FAM120A: variants seen among roughly 807,000 people sequenced by gnomAD.
The protein encoded by FAM120A is family with sequence similarity 120 member A, also known as constitutive coactivator of PPAR-gamma-like protein 1.
A neutral mutation model predicts 109.7 loss-of-function variants in FAM120A; 15 were observed. The observed-to-expected ratio is 0.14, with a 90% CI of 0.09 to 0.21. FAM120A has a LOEUF of 0.21. Ranked by LOEUF, FAM120A falls within the 10% of genes least tolerant of loss-of-function variation. The pLI is 1.00. For synonymous variants in FAM120A, 493 were observed against 572.8 expected (o/e 0.86, Z 1.99); for missense variants, 899 against 1,439.3 (o/e 0.62, Z 6.07).
intron 1 of FAM120A, among the ~76,000 whole-genome samples, chr9:93,468,676 T>A (rs1858167043): frequency 6.6e-6 from 1 of 152,230 alleles, no homozygotes; most frequent in Non-Finnish European, 1.5e-5. Flanking sequence ...TATCCTAAGC[T>A]TTTTCTGTTT....
chr9:93,561,113 C>G lies in FAM120A; in HGVS notation c.2811C>G (p.Val937=), dbSNP rs1243635894. The change falls in exon 16 of 18, where the codon GTC becomes GTG. Residue 937 remains valine, a synonymous_variant. Transcript: ENST00000277165. ...TTTTGTATATTTTTTATGCAGGAGT[C>G]CAACCTATACCTTCTCAGGGAGGCA... ...SSRTSKSQGG[V]QPIPSQGGKL... is the part of the protein sequence containing the mutation. The G allele has an allele frequency of 6.2e-7, 1 of 1,613,430 alleles. No homozygotes were observed. Among genetic ancestry groups the G allele is most frequent in the Non-Finnish European group, 8.5e-7 (1 of 1,179,928 alleles).
chr9:93,524,416 ATCAT>A (rs924982465), intron 7 of FAM120A, among the ~76,000 whole-genome samples: 2 of 152,198 alleles, frequency 1.3e-5, no homozygotes, highest in African/African-American at 4.8e-5. Context: ...GTAAAAAAAA[ATCAT>A]TCAGTGACTA....
At position 93,498,387 on chromosome 9, in the gene FAM120A, C is replaced by T. The variant is rs547890658; in HGVS notation, c.934-403C>T. ...CAGCCTGGGTGAAAGAGCGAAACTC[C>T]GTCTCAGAAGAAAAAGAGAGAGCTG... On this transcript the variant is annotated intron_variant, in intron 4 of 17. Coordinates refer to ENST00000277165, the MANE Select transcript of FAM120A (RefSeq NM_014612.5). This position sits in a 1 kb window ranked among gnomAD's most constrained non-coding sequence, Gnocchi z 4.4. Among the ~76,000 whole-genome samples, 51 of 152,226 alleles carry T rather than the reference C, an allele frequency of 3.4e-4. No homozygotes were observed. Among genetic ancestry groups the T allele is most frequent in the South Asian group, 1.0e-3 (5 of 4,820 alleles).
chr9:93,557,772 T>G, intron 13 of FAM120A, 55 bp from the exon 14 acceptor site: 1 of 1,533,538 alleles, frequency 6.5e-7, no homozygotes, highest in South Asian at 1.2e-5. Flanking sequence ...CTCATTTAAA[T>G]TCAATTAAAA....
intron 3 of FAM120A, among the ~76,000 whole-genome samples, chr9:93,493,696 C>G (rs931505208): frequency 6.6e-6 from 1 of 152,216 alleles, no homozygotes; most frequent in Non-Finnish European, 1.5e-5. Flanking sequence ...TGCTCTGTAC[C>G]CAAGCCCTCA....
At chr9:93,562,670 T>C (rs1287904782) in intron 17 of FAM120A, among the ~76,000 whole-genome samples, 2 of 148,582 alleles carry the variant, frequency 1.3e-5, no homozygotes, top group African/African-American at 2.5e-5. Context: ...TTTTTCTTTT[T>C]TTTTTTTTTT....
intron 12 of FAM120A, among the ~76,000 whole-genome samples, chr9:93,552,054 T>C (rs1440780285): frequency 6.6e-6 from 1 of 152,216 alleles, no homozygotes; most frequent in Non-Finnish European, 1.5e-5. Context: ...GGAGATACTT[T>C]TGCTAGTGTG....
chr9:93,524,407 T>A (rs1860977580), intron 7 of FAM120A, among the ~76,000 whole-genome samples: 1 of 151,606 alleles, frequency 6.6e-6, no homozygotes, highest in Non-Finnish European at 1.5e-5. Context: ...CTGAAAGATG[T>A]AAAAAAAAAT....
intron 7 of FAM120A, among the ~76,000 whole-genome samples, chr9:93,523,582 A>G (rs1421773031): frequency 6.6e-6 from 1 of 152,230 alleles, no homozygotes; most frequent in Non-Finnish European, 1.5e-5. Context: ...CCATCCACTA[A>G]TCTGTGTAGA....
intron 5 of FAM120A, among the ~76,000 whole-genome samples, chr9:93,513,620 G>C (rs1466657525): frequency 2.0e-5 from 3 of 152,190 alleles, no homozygotes; most frequent in Non-Finnish European, 4.4e-5. Flanking sequence ...TGCGAGCCAG[G>C]ATCGAAGGGC....
At chr9:93,519,645 C>T (rs1298275777) in intron 7 of FAM120A, among the ~76,000 whole-genome samples, 1 of 152,094 alleles carries the variant, frequency 6.6e-6, no homozygotes, top group Non-Finnish European at 1.5e-5. Flanking sequence ...CTTTCATTGT[C>T]CAGACCTAAC....
chr9:93,549,964 G>T (rs533043378), intron 11 of FAM120A, among the ~76,000 whole-genome samples: 1 of 152,208 alleles, frequency 6.6e-6, no homozygotes, highest in African/African-American at 2.4e-5. Context: ...TGTTCTAGTT[G>T]AAGTTGAAGA....
intron 3 of FAM120A, among the ~76,000 whole-genome samples, chr9:93,481,259 T>G (rs946530932): frequency 6.6e-6 from 1 of 152,254 alleles, no homozygotes; most frequent in Non-Finnish European, 1.5e-5. Flanking sequence ...TTAAAAATTG[T>G]ATGATTTTGT....
chr9:93,476,220 A>G (rs780202304), intron 2 of FAM120A, 36 bp from the exon 3 acceptor site: 62 of 1,421,750 alleles, frequency 4.4e-5, no homozygotes, highest in Non-Finnish European at 5.8e-5. Context: ...GTTACTTAAG[A>G]TGATTGCTTT....
At chr9:93,497,436 C>T in intron 3 of FAM120A, 35 bp from the exon 4 acceptor site, 1 of 1,609,460 alleles carries the variant, frequency 6.2e-7, no homozygotes, top group Non-Finnish European at 8.5e-7. Context: ...TGGTTGCTCA[C>T]CATCCACTGT....
Position 93,550,705 on chromosome 9 carries a change from C to G in FAM120A, c.2274+14C>G. On this transcript the variant is annotated intron_variant, in intron 12 of 17. Coordinates refer to ENST00000277165, the MANE Select transcript of FAM120A (RefSeq NM_014612.5). Reference sequence around the variant, plus strand: ...CAGGAGCTCAAGGTAATTTATCAGCCTCATTGCATTGTCTTGGACAGTCTC... The same window carrying G: ...CAGGAGCTCAAGGTAATTTATCAGCGTCATTGCATTGTCTTGGACAGTCTC... 6.3e-7 allele frequency: 1 copy of G among 1,596,856 alleles called. No individual in the cohort carries two copies. The highest frequency in any genetic ancestry group is 1.1e-5 in the South Asian group (1 of 90,586).
At chr9:93,488,267 G>A (rs529386296) in intron 3 of FAM120A, among the ~76,000 whole-genome samples, 4 of 152,014 alleles carry the variant, frequency 2.6e-5, no homozygotes, top group South Asian at 2.1e-4. Flanking sequence ...CATCCCCAAC[G>A]CTTAACTTCC....
intron 10 of FAM120A, among the ~76,000 whole-genome samples, chr9:93,534,264 GA>G (rs1225372603): frequency 6.6e-6 from 1 of 152,182 alleles, no homozygotes; most frequent in Non-Finnish European, 1.5e-5. Flanking sequence ...TGGGGGACAG[GA>G]GGGGAGGTGG....
intron 7 of FAM120A, among the ~76,000 whole-genome samples, chr9:93,517,216 G>A (rs1450422587): frequency 6.6e-6 from 1 of 152,228 alleles, no homozygotes; most frequent in Non-Finnish European, 1.5e-5. Flanking sequence ...CCTGTTTATA[G>A]CAGAGAAGTA....
Sources: allele counts gnomAD v4.1 joint callset (sites outside exome capture counted in the v4.1 genomes callset), GRCh38; gene constraint gnomAD v4.1.1; non-coding constraint Gnocchi (gnomAD v3.1); transcripts MANE v1.5; gene names NCBI Gene and HGNC (gene_info 2026-07-23, HGNC 2026-07-21).